The following RFX2 variants were observed in gnomAD, a reference collection of about 807,000 sequenced individuals.
RFX2 encodes the protein regulatory factor X2.
Under a neutral mutation model 87.8 loss-of-function variants are expected in RFX2, and 20 were observed. The observed-to-expected ratio is 0.23, with a 90% CI of 0.16 to 0.33. The LOEUF (loss-of-function observed/expected upper bound fraction) is 0.33. Ranked by LOEUF, RFX2 falls within the 10% of genes least tolerant of loss-of-function variation. RFX2 has a pLI of 1.00. For missense variants in RFX2, 767 were observed against 1,012.3 expected (o/e 0.76, Z 3.29); for synonymous variants, 397 against 431.3 (o/e 0.92, Z 0.98).
intron 13 of RFX2, among the ~76,000 whole-genome samples, 197 bp from the exon 14 acceptor site, chr19:6,003,067 G>A (rs150770130): frequency 1.2e-4 from 19 of 152,262 alleles, no homozygotes; most frequent in Middle Eastern, 3.4e-3. Context: ...GACCTCGCCG[G>A]CACATCACAC....
intron 1 of RFX2, among the ~76,000 whole-genome samples, chr19:6,084,595 T>TA (rs1487789104): frequency 6.6e-6 from 1 of 151,976 alleles, no homozygotes; most frequent in Non-Finnish European, 1.5e-5. Context: ...AGGGACCTCC[T>TA]AGGGGTGGAA....
At chr19:5,995,322 CA>C (rs1395569927) in intron 17 of RFX2, among the ~76,000 whole-genome samples, 6 of 152,162 alleles carry the variant, frequency 3.9e-5, no homozygotes, top group Non-Finnish European at 5.9e-5. Flanking sequence ...GGCGTGGGCG[CA>C]GGAGACCAGG....
rs370163984 is a variant in RFX2 at position 6,042,066 on chromosome 19, C to A, written c.238G>T (p.Ala80Ser). The change falls in exon 4 of 18, where the codon GCC becomes TCC. Residue 80 changes from alanine (A) to serine (S), a missense_variant. Ala to Ser is a moderately conservative substitution (Grantham distance 99). Around this residue, in one of 2 missense-constraint regions of RFX2, gnomAD observed 146 missense variants for 139.2 expected, o/e 1.05. Transcript: ENST00000303657. ...CACATGGCTCCATTGGTGTAGACGG[C>A]GTCTCCCCCTTCCACGTACTGCACC... is the stretch of plus-strand genomic sequence containing the variant. ...AQVQYVEGGD[A>S]VYTNGAIRTA... The A allele has an allele frequency of 6.2e-7, 1 of 1,613,790 alleles. No homozygotes were observed. Among genetic ancestry groups the A allele is most frequent in the African/African-American group, 1.3e-5 (1 of 74,912 alleles).
chr19:6,002,071 C>T lies in RFX2; in HGVS notation c.1651-48G>A, dbSNP rs1389585684. ...TGTCAGCAATGTGGACCCCCAGCCA[C>T]GGCAGCCCTCCCTGGACCTAGCCAT... is the stretch of plus-strand genomic sequence containing the variant. On this transcript the variant is annotated intron_variant, in intron 14 of 17. Transcript: ENST00000303657. This position sits in a 1 kb window ranked among gnomAD's most constrained non-coding sequence, Gnocchi z 6.7. 15 of 1,504,872 alleles carry T rather than the reference C, an allele frequency of 1.0e-5. No individual in the cohort carries two copies. The highest frequency in any genetic ancestry group is 1.9e-5 in the Admixed American group (1 of 53,954). 93.2% of individuals were successfully genotyped at this position (1,504,872 alleles called of 1,614,324 possible). A position where few individuals can be genotyped will look rare whatever the true frequency, so the allele number is the denominator to read the frequency against.
At position 6,002,450 on chromosome 19, in the gene RFX2, G is replaced by A. The variant is rs554166437; in HGVS notation, c.1650+271C>T. Among the ~76,000 whole-genome samples the A allele has an allele frequency of 6.6e-6, 1 of 152,354 alleles. No homozygotes were observed. Among genetic ancestry groups the A allele is most frequent in the South Asian group, 2.1e-4 (1 of 4,830 alleles). ...ATGGCCACAGGGAGGTCAACGTGGT[G>A]CCACGATCCTGGAAGCTGGGGGCCT... On this transcript the variant is annotated intron_variant, in intron 14 of 17. Coordinates refer to ENST00000303657, the MANE Select transcript of RFX2 (RefSeq NM_000635.4). The surrounding 1 kb of genome is among the most constrained non-coding windows in gnomAD (Gnocchi z 6.7).
At chr19:6,093,598 G>A (rs949435871) in intron 1 of RFX2, among the ~76,000 whole-genome samples, 1 of 152,090 alleles carries the variant, frequency 6.6e-6, no homozygotes, top group South Asian at 2.1e-4. Context: ...TGGAATATCA[G>A]ACCATTAGTA....
At chr19:6,073,014 C>T (rs994996059) in intron 1 of RFX2, 2 of 533,374 alleles carry the variant, frequency 3.7e-6, no homozygotes, top group East Asian at 3.7e-5. Flanking sequence ...GAGTCTCACT[C>T]TGTTGTGCAG....
Position 5,995,658 on chromosome 19 carries a change from T to A in RFX2, c.2014-15A>T. 6.4e-7 allele frequency: 1 copy of A among 1,551,860 alleles called. No homozygotes were observed. The highest frequency in any genetic ancestry group is 8.7e-7 in the Non-Finnish European group (1 of 1,147,232). ...AGATCGTTGAACTGAAAGAGAAACC[T>A]GGAGTCAGGGGCGCCTGCAGAGGGG... On this transcript the variant is annotated splice_polypyrimidine_tract_variant and intron_variant, in intron 16 of 17. Coordinates refer to ENST00000303657, the MANE Select transcript of RFX2 (RefSeq NM_000635.4).
rs896997471 is a variant in RFX2, at chr19:6,056,113, C to T, written c.-8-8609G>A. Among the ~76,000 whole-genome samples the T allele has an allele frequency of 5.3e-5, 8 of 152,008 alleles. No individual in the cohort carries two copies. Among genetic ancestry groups the T allele is most frequent in the South Asian group, 2.1e-4 (1 of 4,814 alleles). ...GCATTCTGTATGATAATACAGTGTGCGGTTACATGGAGTCGTGATTTGTCA... is the reference window on the plus strand; with the variant it reads ...GCATTCTGTATGATAATACAGTGTGTGGTTACATGGAGTCGTGATTTGTCA... On this transcript the variant is annotated intron_variant, in intron 1 of 17. Transcript: ENST00000303657. The surrounding 1 kb of genome is among the most constrained non-coding windows in gnomAD (Gnocchi z 4.6).
Position 6,035,848 on chromosome 19 carries a change from GGGGTGT to G in RFX2, c.522+4126_522+4131del, listed in dbSNP as rs140154547. 9.7e-3 allele frequency among the ~76,000 whole-genome samples: 830 copies of G among 85,374 alleles called. 8 individuals are homozygous for G. The highest frequency in any genetic ancestry group is 0.062 in the Middle Eastern group (9 of 144). 56.0% of individuals were successfully genotyped at this position (85,374 alleles called of 152,430 possible). A position where few individuals can be genotyped will look rare whatever the true frequency, so the allele number is the denominator to read the frequency against. On this transcript the variant is annotated intron_variant, in intron 5 of 17. Transcript: ENST00000303657. The stretch of plus-strand genomic sequence containing the variant: ...TGATGACTCCCCCAGAGCTTGGTGG[GGGGTGT>G]GTGTGTGTGTGTGTGTGTGTGTGTG...
rs1168465579 is a variant in RFX2 at position 6,063,094 on chromosome 19, T to TA, written c.-8-15591dup. On this transcript the variant is annotated intron_variant, in intron 1 of 17. Transcript: ENST00000303657. The surrounding 1 kb of genome is among the most constrained non-coding windows in gnomAD (Gnocchi z 4.0). ...GTCCTGCCGCTCTCGCTCTTGCTCCTAGGCCGCCTTCTCCCTCATGCATCC... is the reference window on the plus strand; with the variant it reads ...GTCCTGCCGCTCTCGCTCTTGCTCCTAAGGCCGCCTTCTCCCTCATGCATCC... Among the ~76,000 whole-genome samples the TA allele has an allele frequency of 2.0e-5, 3 of 152,214 alleles. No individual in the cohort carries two copies. The highest frequency in any genetic ancestry group is 4.8e-5 in the African/African-American group (2 of 41,462).
intron 1 of RFX2, chr19:6,068,082 T>TA (rs1159666674): frequency 1.3e-5 from 2 of 152,170 alleles, no homozygotes; most frequent in Admixed American, 1.3e-4. Flanking sequence ...AATGTATGGC[T>TA]AAGTGGTGAT....
Position 6,002,041 on chromosome 19 carries a change from G to T in RFX2, c.1651-18C>A. 1 of 1,579,664 alleles carries T rather than the reference G, an allele frequency of 6.3e-7. No individual in the cohort carries two copies. On this transcript the variant is annotated intron_variant, in intron 14 of 17. Transcript: ENST00000303657. The surrounding 1 kb of genome is among the most constrained non-coding windows in gnomAD (Gnocchi z 6.7). Reference sequence around the variant, plus strand: ...GCCTGCTCCTGTGGGCAGGGCAGAGGCCAGTGTCAGCAATGTGGACCCCCA... The same window carrying T: ...GCCTGCTCCTGTGGGCAGGGCAGAGTCCAGTGTCAGCAATGTGGACCCCCA...
Position 6,044,133 on chromosome 19 carries a change from C to T in RFX2, c.180+60G>A, listed in dbSNP as rs531907754. On this transcript the variant is annotated intron_variant, in intron 3 of 17. Transcript: ENST00000303657. This position sits in a 1 kb window ranked among gnomAD's most constrained non-coding sequence, Gnocchi z 5.3. ...AAGGATGCATCCTTCAGAGATTGTTCTGGATTGCTGAGTGCTAACTGCGCC... is the reference window on the plus strand; with the variant it reads ...AAGGATGCATCCTTCAGAGATTGTTTTGGATTGCTGAGTGCTAACTGCGCC... The T allele has an allele frequency of 4.6e-5, 45 of 978,586 alleles. 1 individual carries two copies. In the Middle Eastern group the frequency reaches 7.4e-4, roughly 16 times the overall value. 60.6% of individuals were successfully genotyped at this position (978,586 alleles called of 1,614,324 possible).
chr19:6,009,643 G>A (rs1210093010), intron 9 of RFX2, among the ~76,000 whole-genome samples: 2 of 152,100 alleles, frequency 1.3e-5, no homozygotes, highest in South Asian at 2.1e-4. Context: ...GAGTAGTGGC[G>A]TGATCATGGC....
chr19:6,090,631 T>C (rs530020734), intron 1 of RFX2, among the ~76,000 whole-genome samples: 1 of 152,312 alleles, frequency 6.6e-6, no homozygotes, highest in African/African-American at 2.4e-5. Context: ...AACTTGCAGT[T>C]ACCATACGAC....
Position 6,002,708 on chromosome 19 carries a change from T to C in RFX2, c.1650+13A>G. ...GGAAGCCCGGGCCCTGGGGACGGTG[T>C]GGAGGAAGTCACCTGCACGTTGGCA... On this transcript the variant is annotated intron_variant, in intron 14 of 17. Transcript: ENST00000303657. This position sits in a 1 kb window ranked among gnomAD's most constrained non-coding sequence, Gnocchi z 6.7. The C allele has an allele frequency of 6.2e-7, 1 of 1,612,704 alleles. No individual in the cohort carries two copies. The highest frequency in any genetic ancestry group is 8.5e-7 in the Non-Finnish European group (1 of 1,179,666).
intron 1 of RFX2, among the ~76,000 whole-genome samples, chr19:6,103,650 C>T (rs1318655077): frequency 2.6e-5 from 4 of 152,184 alleles, no homozygotes; most frequent in African/African-American, 4.8e-5. Context: ...GGGACCCATG[C>T]CACAACCAAG....
rs989337088 is a variant in RFX2, at chr19:5,998,597, G to A, written c.1860-1384C>T. Among the ~76,000 whole-genome samples the A allele has an allele frequency of 6.6e-6, 1 of 152,100 alleles. No individual in the cohort carries two copies. The highest frequency in any genetic ancestry group is 2.1e-4 in the South Asian group (1 of 4,816). The stretch of plus-strand genomic sequence containing the variant: ...GCTGCAAAGCCCCCAGCCCCCTCCT[G>A]TTCCTCCGGGCCCACCCAGGTTGGC... On this transcript the variant is annotated intron_variant, in intron 15 of 17. Transcript: ENST00000303657. This position sits in a 1 kb window ranked among gnomAD's most constrained non-coding sequence, Gnocchi z 4.2.
Sources: allele counts gnomAD v4.1 joint callset (sites outside exome capture counted in the v4.1 genomes callset), GRCh38; gene constraint gnomAD v4.1.1; regional missense constraint gnomAD v4.1.1; non-coding constraint Gnocchi (gnomAD v3.1); transcripts MANE v1.5; gene names NCBI Gene and HGNC (gene_info 2026-07-23, HGNC 2026-07-21).